Variants in AOX1 observed in about 807,000 individuals in gnomAD.
The protein encoded by AOX1 is aldehyde oxidase 1, also known as aldehyde oxidase.
Under a neutral mutation model 169.5 loss-of-function variants are expected in AOX1, and 153 were observed. The ratio of observed to expected loss-of-function variants is 0.90; its 90% confidence interval spans 0.79 to 1.03. AOX1 has a LOEUF of 1.03. Ranked by LOEUF, AOX1 falls within the 50% of genes least tolerant of loss-of-function variation. The pLI, the probability that AOX1 is intolerant of heterozygous loss-of-function variation, is 0.00. For missense variants in AOX1, 1,656 were observed against 1,663.9 expected (o/e 1.00, Z 0.08); for synonymous variants, 562 against 581.9 (o/e 0.97, Z 0.49).
intron 19 of AOX1, among the ~76,000 whole-genome samples, chr2:200,626,358 G>C (rs1002269081): frequency 1.3e-5 from 2 of 152,162 alleles, no homozygotes; most frequent in African/African-American, 4.8e-5. Flanking sequence ...GACACCTACT[G>C]GTGGCCAGAA....
At chr2:200,667,489 G>A (rs1013637196) in intron 32 of AOX1, among the ~76,000 whole-genome samples, 21 of 144,388 alleles carry the variant, frequency 1.5e-4, no homozygotes, top group Non-Finnish European at 2.8e-4. Context: ...CATTATTGGC[G>A]AATGGGAAGA....
At chr2:200,630,624 CA>C (rs1011857953) in intron 20 of AOX1, among the ~76,000 whole-genome samples, 1 of 151,146 alleles carries the variant, frequency 6.6e-6, no homozygotes, top group African/African-American at 2.4e-5. Flanking sequence ...AAAGGAAAGA[CA>C]AGGGAAGGGA....
intron 7 of AOX1, among the ~76,000 whole-genome samples, chr2:200,603,724 G>C (rs369645029): frequency 6.6e-6 from 1 of 152,172 alleles, no homozygotes; most frequent in Non-Finnish European, 1.5e-5. Context: ...TCAGGGAGCC[G>C]TTCTTGTTCC....
At position 200,638,298 on chromosome 2, in the gene AOX1, A is replaced by G. The variant is rs2035281425; in HGVS notation, c.2564A>G (p.Tyr855Cys). ...TGGRHPYLGKYKAGFMNDGRI... is the reference protein window; with the variant it reads ...TGGRHPYLGKCKAGFMNDGRI... ...GGCCGCCATCCTTACCTTGGAAAGT[A>G]CAAAGTGAGTACAAGAGGGCATGGA... Residue 855 changes from tyrosine to cysteine, a missense_variant, in exon 23 of 35, where the codon TAC becomes TGC. Physicochemically the swap from Tyr to Cys is radical, Grantham distance 194. Coordinates refer to ENST00000374700, the MANE Select transcript of AOX1 (RefSeq NM_001159.4). The G allele has an allele frequency of 6.2e-7, 1 of 1,613,480 alleles. No individual in the cohort carries two copies. The highest frequency in any genetic ancestry group is 8.5e-7 in the Non-Finnish European group (1 of 1,179,486).
chr2:200,588,726 C>CTT lies in AOX1; in HGVS notation c.45+2593_45+2594dup, dbSNP rs71807461. Among the ~76,000 whole-genome samples, 219 of 53,974 alleles carry CTT rather than the reference C, an allele frequency of 4.1e-3. 27 individuals carry two copies. Among genetic ancestry groups the CTT allele is most frequent in the African/African-American group, 0.011 (181 of 16,254 alleles). The allele number at this position is 53,974 out of a possible 152,430, so 35.4% of individuals were successfully genotyped here. On this transcript the variant is annotated intron_variant, in intron 1 of 34. Coordinates refer to ENST00000374700, the MANE Select transcript of AOX1 (RefSeq NM_001159.4). ...CTTACATGGAAAGAACTAGAATAAG[C>CTT]TTTTTTTTTTTTTTTTTTTTTGAGA...
intron 18 of AOX1, 105 bp downstream of exon 18, chr2:200,621,351 G>C: frequency 9.0e-7 from 1 of 1,114,058 alleles, no homozygotes; most frequent in Non-Finnish European, 1.3e-6. Context: ...AAAGACTCCA[G>C]TATTCTTAGA....
At chr2:200,605,244 G>A (rs765080758) in intron 9 of AOX1, among the ~76,000 whole-genome samples, 1 of 152,138 alleles carries the variant, frequency 6.6e-6, no homozygotes, top group Non-Finnish European at 1.5e-5. Flanking sequence ...TCTTCCTGTT[G>A]CATCCAGTGT....
intron 22 of AOX1, among the ~76,000 whole-genome samples, chr2:200,637,439 A>G (rs1340343545): frequency 6.6e-6 from 1 of 152,134 alleles, no homozygotes; most frequent in African/African-American, 2.4e-5. Flanking sequence ...ATGTACCTAT[A>G]TATACATACA....
At chr2:200,616,497 A>G (rs112286005) in intron 16 of AOX1, among the ~76,000 whole-genome samples, 1 of 152,238 alleles carries the variant, frequency 6.6e-6, no homozygotes, top group African/African-American at 2.4e-5. Flanking sequence ...ATGCTTTTAA[A>G]AAGAACTGCT....
intron 19 of AOX1, among the ~76,000 whole-genome samples, chr2:200,624,341 C>T (rs2034957318): frequency 6.6e-6 from 1 of 152,200 alleles, no homozygotes; most frequent in Non-Finnish European, 1.5e-5. Flanking sequence ...ACATATCCAT[C>T]TCCAAATTAA....
At chr2:200,623,058 A>G (rs1173739092) in intron 18 of AOX1, among the ~76,000 whole-genome samples, 2 of 152,080 alleles carry the variant, frequency 1.3e-5, no homozygotes, top group Non-Finnish European at 2.9e-5. Context: ...AAACTACTTT[A>G]TGTTCATTGT....
At chr2:200,623,301 C>T (rs2034926612) in intron 18 of AOX1, among the ~76,000 whole-genome samples, 1 of 152,222 alleles carries the variant, frequency 6.6e-6, no homozygotes. Flanking sequence ...ATAATCCTAG[C>T]TGTCAACCCC....
At chr2:200,641,333 G>A (rs139245284) in intron 24 of AOX1, 149 bp downstream of exon 24, 264 of 572,660 alleles carry the variant, frequency 4.6e-4, no homozygotes, top group African/African-American at 4.0e-3. Context: ...ACTTCCTGGT[G>A]CCCAAAGTGT....
At chr2:200,636,348 C>T (rs2035232925) in intron 21 of AOX1, among the ~76,000 whole-genome samples, 1 of 151,888 alleles carries the variant, frequency 6.6e-6, no homozygotes, top group South Asian at 2.1e-4. Context: ...AGGCTGGTCT[C>T]GAACTCCTGA....
chr2:200,597,235 C>G (rs1275498776), intron 3 of AOX1, among the ~76,000 whole-genome samples, 162 bp from the exon 4 acceptor site: 1 of 152,192 alleles, frequency 6.6e-6, no homozygotes, highest in Non-Finnish European at 1.5e-5. Flanking sequence ...TTCCACTTCT[C>G]TAAAATGGGC....
At chr2:200,611,677 G>A (rs933752030) in intron 13 of AOX1, among the ~76,000 whole-genome samples, 184 bp downstream of exon 13, 4 of 151,438 alleles carry the variant, frequency 2.6e-5, no homozygotes, top group African/African-American at 7.3e-5. Flanking sequence ...CTTGTATTAC[G>A]CATGCCCCTA....
At chr2:200,590,193 G>A (rs2034139333) in intron 1 of AOX1, among the ~76,000 whole-genome samples, 1 of 151,384 alleles carries the variant, frequency 6.6e-6, no homozygotes, top group African/African-American at 2.4e-5. Context: ...TTCTCTTTCT[G>A]ACTCTGTCTT....
chr2:200,669,597 T>C lies in AOX1; in HGVS notation c.3821T>C (p.Phe1274Ser). 1 of 1,613,958 alleles carries C rather than the reference T, an allele frequency of 6.2e-7. No individual in the cohort carries two copies. The highest frequency in any genetic ancestry group is 1.1e-5 in the South Asian group (1 of 91,068). Residue 1274 changes from phenylalanine (F) to serine (S), a missense_variant, in exon 34 of 35, where the codon TTC (phenylalanine) becomes TCC (serine). Phe to Ser is a radical substitution (Grantham distance 155). Transcript: ENST00000374700. Reference protein sequence around the residue: ...SSKGLGESGVFLGCSVFFAIH... With the variant: ...SSKGLGESGVSLGCSVFFAIH... The stretch of plus-strand genomic sequence containing the variant: ...AAGGGTCTGGGAGAGTCGGGGGTGT[T>C]CCTGGGGTGTTCCGTGTTTTTCGCT...
intron 15 of AOX1, among the ~76,000 whole-genome samples, chr2:200,615,424 C>T (rs960963558): frequency 1.4e-4 from 22 of 152,312 alleles, no homozygotes; most frequent in African/African-American, 5.3e-4. Flanking sequence ...GTGTAAAGAA[C>T]CAAATGACTC....
Sources: gnomAD v4.1 joint callset for allele counts (sites outside exome capture counted in the v4.1 genomes callset) on GRCh38, gnomAD v4.1.1 for gene constraint, MANE v1.5 for transcripts, NCBI Gene and HGNC (gene_info 2026-07-23, HGNC 2026-07-21) for gene names.